Variants in ALKBH8 observed in about 807,000 individuals in gnomAD.
ALKBH8 encodes tRNA (carboxymethyluridine(34)-5-O)-methyltransferase ALKBH8.
ALKBH8 carries 36 observed loss-of-function variants against 59.8 expected under a neutral mutation model. The observed-to-expected ratio is 0.60, with a 90% confidence interval of 0.46 to 0.79. ALKBH8 has a LOEUF of 0.79. Among genes scored for constraint, ALKBH8 ranks in the 30% least tolerant of loss-of-function variants. ALKBH8 has a pLI of 0.00. For missense variants in ALKBH8, 768 were observed against 801.0 expected (o/e 0.96, Z 0.50); for synonymous variants, 276 against 273.6 (o/e 1.01, Z -0.09).
At position 107,553,833 on chromosome 11, in the gene ALKBH8, A is replaced by G. The variant is rs373215886; in HGVS notation, c.499+14T>C. On this transcript the variant is annotated intron_variant, in intron 4 of 11. Transcript: ENST00000428149. ...AGAAACTTTCAAATATCAGATTTTG[A>G]AAGTTTTACTTACAGTTTTGATTGT... 3 of 1,602,522 alleles carry G rather than the reference A, an allele frequency of 1.9e-6. No individual in the cohort carries two copies. Among genetic ancestry groups the G allele is most frequent in the African/African-American group, 2.7e-5 (2 of 74,210 alleles).
chr11:107,519,404 C>T (rs1169903493), intron 10 of ALKBH8, among the ~76,000 whole-genome samples: 1 of 152,030 alleles, frequency 6.6e-6, no homozygotes, highest in Non-Finnish European at 1.5e-5. Context: ...TGTGCCCAGC[C>T]TATTATTTTT....
intron 10 of ALKBH8, among the ~76,000 whole-genome samples, chr11:107,519,505 A>G (rs1437767533): frequency 6.6e-6 from 1 of 152,234 alleles, no homozygotes; most frequent in Non-Finnish European, 1.5e-5. Context: ...TAAAGTGCAG[A>G]GAAATAAACA....
rs1038387744 is a variant in ALKBH8, at chr11:107,522,480, C to T, written c.1106G>A (p.Arg369Gln). ...SFPESDKEAS[R>Q]LEQEYVHQVY... Reference sequence around the variant, plus strand: ...CTGATGGACGTACTCTTGCTCCAGCCGTGAGGCTTCTTTATCACTCTCTGG... The same window carrying T: ...CTGATGGACGTACTCTTGCTCCAGCTGTGAGGCTTCTTTATCACTCTCTGG... Residue 369 changes from arginine to glutamine, a missense_variant, in exon 10 of 12, where the codon CGG (arginine) becomes CAG (glutamine). Arg to Gln is a conservative substitution (Grantham distance 43, BLOSUM62 1). Coordinates refer to ENST00000428149, the MANE Select transcript of ALKBH8 (RefSeq NM_138775.3). The T allele has an allele frequency of 1.4e-5, 21 of 1,551,588 alleles. No homozygotes were observed. Among genetic ancestry groups the T allele is most frequent in the South Asian group, 2.4e-5 (2 of 84,066 alleles).
At chr11:107,544,078 G>A (rs78535787) in intron 7 of ALKBH8, among the ~76,000 whole-genome samples, 76 of 152,198 alleles carry the variant, frequency 5.0e-4, no homozygotes, top group Non-Finnish European at 8.8e-4. Flanking sequence ...CCACTTAAGC[G>A]GGCTTCTACT....
chr11:107,505,417 C>T (rs1445280742), intron 11 of ALKBH8, among the ~76,000 whole-genome samples: 7 of 152,148 alleles, frequency 4.6e-5, no homozygotes, highest in African/African-American at 7.2e-5. Flanking sequence ...GGAGGAAGTA[C>T]AGAAAAGCAA....
chr11:107,535,566 T>G (rs1367274181), intron 7 of ALKBH8, among the ~76,000 whole-genome samples: 1 of 152,220 alleles, frequency 6.6e-6, no homozygotes, highest in Non-Finnish European at 1.5e-5. Flanking sequence ...TTTTAAGAAT[T>G]GTCTATTCAT....
At chr11:107,537,998 C>T (rs1157167142) in intron 7 of ALKBH8, among the ~76,000 whole-genome samples, 1 of 152,010 alleles carries the variant, frequency 6.6e-6, no homozygotes, top group Admixed American at 6.6e-5. Flanking sequence ...TTGGGCCCCA[C>T]AATTTAGATA....
At chr11:107,515,610 G>A (rs1862830506) in intron 10 of ALKBH8, among the ~76,000 whole-genome samples, 1 of 152,034 alleles carries the variant, frequency 6.6e-6, no homozygotes, top group Non-Finnish European at 1.5e-5. Flanking sequence ...TCCCACCTCG[G>A]CCTCTCAAAG....
At chr11:107,514,046 A>C (rs752564191) in intron 10 of ALKBH8, among the ~76,000 whole-genome samples, 4 of 152,110 alleles carry the variant, frequency 2.6e-5, no homozygotes, top group African/African-American at 4.8e-5. Flanking sequence ...ACCTAAAATA[A>C]AAGTTAAAAA....
chr11:107,514,071 G>C (rs1411757998), intron 10 of ALKBH8, among the ~76,000 whole-genome samples: 1 of 151,916 alleles, frequency 6.6e-6, no homozygotes, highest in Non-Finnish European at 1.5e-5. Flanking sequence ...ATTTAATCTG[G>C]CCTTTTTTTA....
At chr11:107,510,331 C>A (rs1032691433) in intron 11 of ALKBH8, among the ~76,000 whole-genome samples, 4 of 151,700 alleles carry the variant, frequency 2.6e-5, no homozygotes, top group Admixed American at 2.6e-4. Flanking sequence ...ATATTAAATT[C>A]ATTTATTTTA....
chr11:107,559,072 T>C (rs1473234829), intron 2 of ALKBH8, among the ~76,000 whole-genome samples: 1 of 152,210 alleles, frequency 6.6e-6, no homozygotes, highest in Non-Finnish European at 1.5e-5. Flanking sequence ...ATAAGTCTCA[T>C]GAGATCTGAT....
At chr11:107,556,001 C>T (rs978073503) in intron 3 of ALKBH8, among the ~76,000 whole-genome samples, 2 of 152,150 alleles carry the variant, frequency 1.3e-5, no homozygotes, top group South Asian at 2.1e-4. Flanking sequence ...AGGAATCAGC[C>T]GGGCACGGTG....
In ALKBH8 at chr11:107,519,398, C is replaced by G. The variant is rs1179620965; in HGVS notation, c.1287+2901G>C. Among the ~76,000 whole-genome samples, 4 of 152,138 alleles carry G rather than the reference C, an allele frequency of 2.6e-5. No individual in the cohort carries two copies. In the East Asian group the frequency reaches 7.7e-4, roughly 29 times the overall value. ...GGGATTACAGGCATAAGCCACTGTG[C>G]CCAGCCTATTATTTTTATTTTTAAA... On this transcript the variant is annotated intron_variant, in intron 10 of 11. Coordinates refer to ENST00000428149, the MANE Select transcript of ALKBH8 (RefSeq NM_138775.3).
intron 7 of ALKBH8, 149 bp from the exon 8 acceptor site, chr11:107,532,555 AAACTTTACTGTACATGAGAATC>A: frequency 1.7e-6 from 1 of 605,832 alleles, no homozygotes; most frequent in Non-Finnish European, 2.9e-6. Context: ...AGTGGTTCTC[AAACTTTACTGTACATGAGAATC>A]AACTGAATGA....
intron 8 of ALKBH8, among the ~76,000 whole-genome samples, chr11:107,531,045 A>C (rs1294705654): frequency 6.6e-6 from 1 of 152,106 alleles, no homozygotes; most frequent in Non-Finnish European, 1.5e-5. Context: ...GAAGTATAAG[A>C]AGACCTGAAA....
At chr11:107,560,034 G>A (rs1224096478) in intron 2 of ALKBH8, among the ~76,000 whole-genome samples, 1 of 152,154 alleles carries the variant, frequency 6.6e-6, no homozygotes, top group Non-Finnish European at 1.5e-5. Flanking sequence ...AGTACAATTA[G>A]ATTCTCTGGA....
intron 11 of ALKBH8, among the ~76,000 whole-genome samples, chr11:107,510,400 G>GA (rs955371700): frequency 9.3e-5 from 14 of 151,270 alleles, no homozygotes; most frequent in Non-Finnish European, 1.3e-4. Context: ...ACAGAGTTTT[G>GA]AAAAAAAAGA....
intron 9 of ALKBH8, among the ~76,000 whole-genome samples, chr11:107,523,673 G>T (rs1863228069): frequency 6.7e-6 from 1 of 149,236 alleles, no homozygotes; most frequent in Non-Finnish European, 1.5e-5. Context: ...CATGATATCG[G>T]CTCACTGCAA....
Sources: gnomAD v4.1 joint callset for allele counts (sites outside exome capture counted in the v4.1 genomes callset) on GRCh38, gnomAD v4.1.1 for gene constraint, MANE v1.5 for transcripts, NCBI Gene and HGNC (gene_info 2026-07-23, HGNC 2026-07-21) for gene names.